Variants in KCNJ6 observed in about 807,000 individuals in gnomAD.
KCNJ6 encodes the protein G protein-activated inward rectifier potassium channel 2.
In KCNJ6, 9 loss-of-function variants were observed where a neutral mutation model predicts 34.2. The ratio of observed to expected loss-of-function variants is 0.26; its 90% CI spans 0.16 to 0.46. The LOEUF is 0.46. Among genes scored for constraint, KCNJ6 ranks in the 20% least tolerant of loss-of-function variants. KCNJ6 has a pLI of 1.00. For missense variants in KCNJ6, 236 were observed against 531.3 expected (o/e 0.44, Z 5.46); for synonymous variants, 196 against 207.1 (o/e 0.95, Z 0.46).
chr21:37,889,072 G>A (rs1370867327), intron 1 of KCNJ6, among the ~76,000 whole-genome samples: 2 of 152,188 alleles, frequency 1.3e-5, no homozygotes, highest in African/African-American at 2.4e-5. Flanking sequence ...GAGATGCTGA[G>A]GGTGGGGCAT....
chr21:37,825,452 C>A (rs1002975901), intron 2 of KCNJ6, among the ~76,000 whole-genome samples: 3 of 152,262 alleles, frequency 2.0e-5, no homozygotes, highest in East Asian at 3.9e-4. Context: ...CTATGGATAA[C>A]TGGGCAACAT....
intron 1 of KCNJ6, among the ~76,000 whole-genome samples, chr21:37,882,630 A>G (rs981044718): frequency 2.3e-4 from 35 of 152,202 alleles, no homozygotes; most frequent in African/African-American, 8.0e-4. Context: ...AAACAGCAAG[A>G]GGTAAGGCTT....
intron 1 of KCNJ6, among the ~76,000 whole-genome samples, chr21:37,868,645 T>G (rs935996154): frequency 6.6e-6 from 1 of 152,204 alleles, no homozygotes; most frequent in Non-Finnish European, 1.5e-5. Flanking sequence ...AGGGAAGATG[T>G]GTTAGTCGGA....
chr21:37,803,706 G>A (rs2055280381), intron 2 of KCNJ6, among the ~76,000 whole-genome samples: 1 of 152,174 alleles, frequency 6.6e-6, no homozygotes, highest in African/African-American at 2.4e-5. Flanking sequence ...CGATGAGGAA[G>A]TGCTGTCCTA....
intron 3 of KCNJ6, among the ~76,000 whole-genome samples, chr21:37,668,305 G>A (rs2054526084): frequency 6.6e-6 from 1 of 152,154 alleles, no homozygotes; most frequent in South Asian, 2.1e-4. Context: ...ATGGGAGCCT[G>A]TAGGAGCTCC....
intron 3 of KCNJ6, among the ~76,000 whole-genome samples, chr21:37,660,157 G>A (rs1601407693): frequency 6.6e-6 from 1 of 152,332 alleles, no homozygotes; most frequent in East Asian, 1.9e-4. Context: ...AGAGCTCACT[G>A]TCCAGGCAGC....
intron 2 of KCNJ6, among the ~76,000 whole-genome samples, chr21:37,736,311 A>AT (rs1044680784): frequency 6.6e-6 from 1 of 152,072 alleles, no homozygotes; most frequent in East Asian, 1.9e-4. Flanking sequence ...GGTAGGAGAC[A>AT]TTTTTTTGGA....
chr21:37,659,752 T>G (rs897901167), intron 3 of KCNJ6, among the ~76,000 whole-genome samples: 1 of 152,232 alleles, frequency 6.6e-6, no homozygotes, highest in Non-Finnish European at 1.5e-5. Flanking sequence ...TCCATAGATA[T>G]GACTCTTTCT....
At chr21:37,683,795 G>A (rs60468158) in intron 3 of KCNJ6, among the ~76,000 whole-genome samples, 15,544 of 152,158 alleles carry the variant, frequency 0.1, 1,934 homozygotes, top group African/African-American at 0.29. Context: ...TTCTTGGTGC[G>A]TCCCAGGGGA....
rs1176551163 is a variant in KCNJ6 at position 37,848,485 on chromosome 21, C to T, written c.-27-7776G>A. ...TGAGAAAGCCCTCTTTGCAATAAGG[C>T]TCAGAGCCTTAGCCTCACCAGATAG... On this transcript the variant is annotated intron_variant, in intron 1 of 3. Transcript: ENST00000609713. Among the ~76,000 whole-genome samples the T allele has an allele frequency of 2.0e-5, 3 of 152,122 alleles. No homozygotes were observed. The East Asian group carries it at 5.8e-4, about 29-fold the overall frequency.
At chr21:37,663,839 G>A (rs962497207) in intron 3 of KCNJ6, among the ~76,000 whole-genome samples, 11 of 152,114 alleles carry the variant, frequency 7.2e-5, no homozygotes, top group African/African-American at 1.4e-4. Flanking sequence ...AAGAATATAC[G>A]CATACCTATG....
chr21:37,866,996 A>T (rs1257469070), intron 1 of KCNJ6, among the ~76,000 whole-genome samples: 1 of 152,246 alleles, frequency 6.6e-6, no homozygotes, highest in Non-Finnish European at 1.5e-5. Context: ...CAACGCAAAC[A>T]TGATTATTGT....
chr21:37,722,568 G>A (rs1008915952), intron 2 of KCNJ6, among the ~76,000 whole-genome samples: 9 of 152,120 alleles, frequency 5.9e-5, no homozygotes, highest in Admixed American at 1.3e-4. Flanking sequence ...AAAACAGCAC[G>A]GTACTGGTAC....
chr21:37,741,988 G>A (rs916477470), intron 2 of KCNJ6, among the ~76,000 whole-genome samples: 2 of 152,210 alleles, frequency 1.3e-5, no homozygotes, highest in African/African-American at 4.8e-5. Flanking sequence ...ACGGCCCAAA[G>A]GCAGGCAGGG....
At chr21:37,763,064 C>G (rs1275404448) in intron 2 of KCNJ6, among the ~76,000 whole-genome samples, 2 of 152,174 alleles carry the variant, frequency 1.3e-5, no homozygotes, top group Non-Finnish European at 2.9e-5. Flanking sequence ...CCCGAGAAAT[C>G]CAGATTCATC....
In KCNJ6 at chr21:37,772,366, A is replaced by T. The variant is rs532084848; in HGVS notation, c.26-57235T>A. 2.6e-5 allele frequency among the ~76,000 whole-genome samples: 4 copies of T among 152,298 alleles called. No individual in the cohort carries two copies. In the East Asian group the frequency reaches 7.7e-4, roughly 29 times the overall value. ...GGTTCATTGATAGAAACACACACAC[A>T]CACACACATGCATGCATATTTAACA... On this transcript the variant is annotated intron_variant, in intron 2 of 3. Transcript: ENST00000609713.
chr21:37,697,308 C>T (rs937541402), intron 3 of KCNJ6, among the ~76,000 whole-genome samples: 8 of 152,184 alleles, frequency 5.3e-5, no homozygotes, highest in Middle Eastern at 3.4e-3. Context: ...TGTGAGGCCT[C>T]ATGGAAGAGG....
intron 1 of KCNJ6, among the ~76,000 whole-genome samples, chr21:37,858,490 T>C (rs2055576935): frequency 1.3e-5 from 2 of 151,074 alleles, no homozygotes; most frequent in African/African-American, 4.9e-5. Context: ...AGGGGATTCA[T>C]GGGCACTGAT....
intron 2 of KCNJ6, among the ~76,000 whole-genome samples, chr21:37,822,688 T>C (rs987136012): frequency 6.6e-6 from 1 of 152,212 alleles, no homozygotes; most frequent in Non-Finnish European, 1.5e-5. Context: ...CTAATCTCTA[T>C]GGATTCGATT....
Sources: allele counts gnomAD v4.1 joint callset (sites outside exome capture counted in the v4.1 genomes callset), GRCh38; gene constraint gnomAD v4.1.1; transcripts MANE v1.5; gene names NCBI Gene and HGNC (gene_info 2026-07-23, HGNC 2026-07-21).